The following SRPK2 variants were observed in gnomAD, a reference collection of about 807,000 sequenced individuals.
SRPK2 encodes SFRS protein kinase 2.
Under a neutral mutation model 90.8 loss-of-function variants are expected in SRPK2, and 21 were observed. The ratio of observed to expected loss-of-function variants is 0.23; its 90% CI spans 0.16 to 0.33. The LOEUF (loss-of-function observed/expected upper bound fraction) is 0.33. Ranked by LOEUF, SRPK2 falls within the 10% of genes least tolerant of loss-of-function variation. The pLI is 1.00. For missense variants in SRPK2, 620 were observed against 869.0 expected, an observed-to-expected ratio of 0.71 and a Z score of 3.60; for synonymous variants, 288 against 311.1, an observed-to-expected ratio of 0.93 and a Z score of 0.78.
rs1052473240 is a variant in SRPK2, at chr7:105,203,612, A to G, written c.229+16T>C. 1.4e-6 allele frequency: 2 copies of G among 1,475,632 alleles called. No homozygotes were observed. Among genetic ancestry groups the G allele is most frequent in the African/African-American group, 2.9e-5 (2 of 68,374 alleles). The allele number at this position is 1,475,632 out of a possible 1,614,324, so 91.4% of individuals were successfully genotyped here. On this transcript the variant is annotated intron_variant, in intron 3 of 15. Coordinates refer to ENST00000393651, the MANE Select transcript of SRPK2 (RefSeq NM_182692.3). Reference sequence around the variant, plus strand: ...TGGGGAAGGCAAGCCCCACACCACCATGCTTGGCACATCACCTTTGCAGTA... The same window carrying G: ...TGGGGAAGGCAAGCCCCACACCACCGTGCTTGGCACATCACCTTTGCAGTA...
At chr7:105,363,710 T>C (rs1429660709) in intron 2 of SRPK2, among the ~76,000 whole-genome samples, 1 of 152,200 alleles carries the variant, frequency 6.6e-6, no homozygotes, top group Non-Finnish European at 1.5e-5. Context: ...ATCATGCTAC[T>C]AGGCTTACTA....
chr7:105,176,188 T>C (rs912134145), intron 3 of SRPK2, among the ~76,000 whole-genome samples: 1 of 152,208 alleles, frequency 6.6e-6, no homozygotes, highest in Non-Finnish European at 1.5e-5. Flanking sequence ...ATCCAACTGA[T>C]GTAATTCATC....
intron 2 of SRPK2, among the ~76,000 whole-genome samples, chr7:105,290,955 G>A (rs924781080): frequency 4.8e-5 from 7 of 146,150 alleles, no homozygotes; most frequent in Non-Finnish European, 9.0e-5. Flanking sequence ...GGAGAATGGC[G>A]TGAACCCGGG....
chr7:105,291,926 TA>T (rs995359871), intron 2 of SRPK2, among the ~76,000 whole-genome samples: 8 of 152,330 alleles, frequency 5.3e-5, no homozygotes, highest in African/African-American at 1.9e-4. Flanking sequence ...TAAATACATT[TA>T]AAAATTCACA....
intron 2 of SRPK2, among the ~76,000 whole-genome samples, chr7:105,211,574 G>A (rs1183586744): frequency 6.6e-6 from 1 of 151,870 alleles, no homozygotes; most frequent in East Asian, 1.9e-4. Context: ...TGAGGGGGGA[G>A]GTGCTACACA....
intron 2 of SRPK2, among the ~76,000 whole-genome samples, chr7:105,341,224 C>T (rs1039301665): frequency 1.3e-5 from 2 of 151,860 alleles, no homozygotes; most frequent in African/African-American, 2.4e-5. Flanking sequence ...ATTAACCAGG[C>T]GTGATGGCGC....
intron 2 of SRPK2, chr7:105,297,469 A>G: frequency 1.0e-6 from 1 of 985,404 alleles, no homozygotes; most frequent in Middle Eastern, 5.2e-4. Flanking sequence ...TTTCCCTGAT[A>G]TGGTGGCCAT....
intron 3 of SRPK2, among the ~76,000 whole-genome samples, chr7:105,192,235 A>G (rs1342715139): frequency 6.6e-6 from 1 of 151,978 alleles, no homozygotes; most frequent in Non-Finnish European, 1.5e-5. Flanking sequence ...TGAGTCCCCA[A>G]AGTCTACAGT....
intron 2 of SRPK2, among the ~76,000 whole-genome samples, chr7:105,355,336 A>ATGAGC (rs1246263830): frequency 0.016 from 2,377 of 152,164 alleles, 64 homozygotes; most frequent in African/African-American, 0.053. Flanking sequence ...TCTCTACGAA[A>ATGAGC]AAAAAAAAAT....
chr7:105,313,345 G>A (rs974545988), intron 2 of SRPK2, among the ~76,000 whole-genome samples: 1 of 151,540 alleles, frequency 6.6e-6, no homozygotes, highest in Admixed American at 6.6e-5. Flanking sequence ...TACTCGGGCA[G>A]CTGAGGCAGG....
intron 11 of SRPK2, 74 bp downstream of exon 11, chr7:105,141,934 T>G: frequency 8.6e-6 from 13 of 1,520,184 alleles, no homozygotes; most frequent in East Asian, 2.3e-5. Flanking sequence ...TCCAGCCAAT[T>G]CCTTCACAGC....
intron 8 of SRPK2, among the ~76,000 whole-genome samples, chr7:105,146,004 G>T (rs1180855381): frequency 6.6e-6 from 1 of 152,074 alleles, no homozygotes; most frequent in Admixed American, 6.6e-5. Context: ...CCCCGCCCCA[G>T]AAATAAAGAT....
intron 2 of SRPK2, among the ~76,000 whole-genome samples, chr7:105,299,924 A>G (rs1353212837): frequency 6.6e-6 from 1 of 151,920 alleles, no homozygotes; most frequent in African/African-American, 2.4e-5. Context: ...CAATACATAG[A>G]TCTAAAATAT....
At chr7:105,155,939 T>C (rs1806428173) in intron 7 of SRPK2, among the ~76,000 whole-genome samples, 1 of 152,184 alleles carries the variant, frequency 6.6e-6, no homozygotes. Context: ...ATCTGCACAT[T>C]ATAAATGTTT....
At chr7:105,331,528 A>G (rs1248768778) in intron 2 of SRPK2, among the ~76,000 whole-genome samples, 1 of 152,118 alleles carries the variant, frequency 6.6e-6, no homozygotes, top group Non-Finnish European at 1.5e-5. Flanking sequence ...AGAGATGAAT[A>G]GTAAACTTAA....
intron 7 of SRPK2, among the ~76,000 whole-genome samples, chr7:105,151,145 A>C (rs1303637040): frequency 6.6e-6 from 1 of 152,212 alleles, no homozygotes; most frequent in South Asian, 2.1e-4. Flanking sequence ...AACTTTCCTA[A>C]AACAGCAATG....
chr7:105,209,592 G>A (rs2129612021), intron 2 of SRPK2, among the ~76,000 whole-genome samples: 1 of 151,068 alleles, frequency 6.6e-6, no homozygotes. Context: ...GAAAGGGAAG[G>A]GAAGGGGAAA....
At chr7:105,122,666 T>C (rs1455653983) in intron 15 of SRPK2, among the ~76,000 whole-genome samples, 1 of 152,190 alleles carries the variant, frequency 6.6e-6, no homozygotes, top group Non-Finnish European at 1.5e-5. Flanking sequence ...GCTCCTGGGT[T>C]TTAGCCCTCA....
chr7:105,276,792 C>A (rs544256825), intron 2 of SRPK2, among the ~76,000 whole-genome samples: 1 of 152,216 alleles, frequency 6.6e-6, no homozygotes, highest in African/African-American at 2.4e-5. Context: ...GGGAATACTG[C>A]AAGAATATAC....
Sources: allele counts gnomAD v4.1 joint callset (sites outside exome capture counted in the v4.1 genomes callset), GRCh38; gene constraint gnomAD v4.1.1; transcripts MANE v1.5; gene names NCBI Gene and HGNC (gene_info 2026-07-23, HGNC 2026-07-21).